The following ASCC1 variants were observed in gnomAD, a reference collection of about 807,000 sequenced individuals.
ASCC1 encodes the protein ASC-1 complex subunit P50.
Under a neutral mutation model 46.6 loss-of-function variants are expected in ASCC1, and 35 were observed. The ratio of observed to expected loss-of-function variants is 0.75; its 90% CI spans 0.57 to 0.99. The LOEUF (loss-of-function observed/expected upper bound fraction) is 0.99, where lower values mean the gene tolerates loss of function less well. Among genes scored for constraint, ASCC1 ranks in the 50% least tolerant of loss-of-function variants. The probability of loss-of-function intolerance (pLI) is 0.00; values close to 1 mark genes in which losing one functional copy is unlikely to be tolerated. For missense variants in ASCC1, 376 were observed against 428.7 expected, an observed-to-expected ratio of 0.88 and a Z score of 1.09; for synonymous variants, 143 against 146.6, an observed-to-expected ratio of 0.98 and a Z score of 0.18.
At position 72,142,131 on chromosome 10, in the gene ASCC1, C is replaced by A. The variant is rs141793051; in HGVS notation, c.747-8950G>T. On this transcript the variant is annotated intron_variant, in intron 7 of 9. Coordinates refer to ENST00000672957, the MANE Select transcript of ASCC1 (RefSeq NM_001198800.3). ...TTAAAATAGACATATTAGACAGTAT[C>A]TATTTTTATTTTTTGAAAGTTTCTT... Among the ~76,000 whole-genome samples, 136 of 152,188 alleles carry A rather than the reference C, an allele frequency of 8.9e-4. 2 individuals carry two copies. Among genetic ancestry groups the A allele is most frequent in the African/African-American group, 3.2e-3 (132 of 41,520 alleles).
intron 7 of ASCC1, among the ~76,000 whole-genome samples, chr10:72,135,355 G>C (rs1846059947): frequency 6.6e-6 from 1 of 152,148 alleles, no homozygotes; most frequent in Non-Finnish European, 1.5e-5. Flanking sequence ...TGTGAATGGG[G>C]GTGGGGGCAC....
Position 72,097,065 on chromosome 10 carries a change from T to G in ASCC1, c.*269A>C. On this transcript the variant is annotated 3_prime_UTR_variant, in exon 10 of 10. Transcript: ENST00000672957. ...AAAATGGTGAAGACAGTATGTTTTA[T>G]GAGTATTTTACGACAATTTAAAAAT... The G allele has an allele frequency of 2.0e-6, 1 of 496,542 alleles. No individual in the cohort carries two copies. The highest frequency in any genetic ancestry group is 3.9e-6 in the Non-Finnish European group (1 of 254,806). The allele number at this position is 496,542 out of a possible 1,614,324, so 30.8% of individuals were successfully genotyped here.
At chr10:72,107,673 T>C (rs1361624740) in intron 9 of ASCC1, among the ~76,000 whole-genome samples, 2 of 152,244 alleles carry the variant, frequency 1.3e-5, no homozygotes, top group Non-Finnish European at 2.9e-5. Flanking sequence ...AATTGATATT[T>C]CTTTTCTACT....
chr10:72,169,921 ACCAG>A (rs911523796), intron 5 of ASCC1, among the ~76,000 whole-genome samples: 3 of 152,210 alleles, frequency 2.0e-5, no homozygotes, highest in Non-Finnish European at 2.9e-5. Context: ...GGAGTTCGAG[ACCAG>A]CCTGGCCAAC....
chr10:72,216,975 C>T (rs1294768974), upstream of ASCC1: 7 of 455,800 alleles, frequency 1.5e-5, no homozygotes, highest in Admixed American at 9.4e-5. Flanking sequence ...TGATCCAATA[C>T]TCATGACACA....
intron 7 of ASCC1, among the ~76,000 whole-genome samples, chr10:72,147,416 C>T (rs1847773465): frequency 6.6e-6 from 1 of 152,038 alleles, no homozygotes; most frequent in Non-Finnish European, 1.5e-5. Flanking sequence ...CCACACCCAG[C>T]TAATTTTTAT....
chr10:72,205,785 G>A (rs1292979118), intron 3 of ASCC1, among the ~76,000 whole-genome samples: 1 of 151,992 alleles, frequency 6.6e-6, no homozygotes, highest in Non-Finnish European at 1.5e-5. Flanking sequence ...GACAGAGGGA[G>A]ACTCCGTCTC....
At chr10:72,151,246 C>T (rs1047627637) in intron 7 of ASCC1, among the ~76,000 whole-genome samples, 2 of 152,178 alleles carry the variant, frequency 1.3e-5, no homozygotes, top group Non-Finnish European at 2.9e-5. Flanking sequence ...CACATATACA[C>T]CATGGAATAC....
intron 3 of ASCC1, 53 bp from the exon 4 acceptor site, chr10:72,203,577 G>A: frequency 7.8e-7 from 1 of 1,275,154 alleles, no homozygotes; most frequent in Non-Finnish European, 1.1e-6. Flanking sequence ...CCAAAATAAA[G>A]AACCTCATTA....
chr10:72,174,402 G>C (rs1851613443), intron 5 of ASCC1, among the ~76,000 whole-genome samples: 1 of 152,132 alleles, frequency 6.6e-6, no homozygotes, highest in Non-Finnish European at 1.5e-5. Flanking sequence ...CAGCAGTATG[G>C]ATTGGTCCAT....
At chr10:72,169,514 C>T (rs1041853968) in intron 5 of ASCC1, among the ~76,000 whole-genome samples, 4 of 151,914 alleles carry the variant, frequency 2.6e-5, no homozygotes, top group African/African-American at 7.3e-5. Flanking sequence ...AGAAAACATA[C>T]ATTAATATAT....
chr10:72,097,194 G>A lies in ASCC1; in HGVS notation c.*140C>T, dbSNP rs1841185618. 1 of 747,434 alleles carries A rather than the reference G, an allele frequency of 1.3e-6. No individual in the cohort carries two copies. The highest frequency in any genetic ancestry group is 2.5e-6 in the Non-Finnish European group (1 of 402,670). The allele number at this position is 747,434 out of a possible 1,614,324, so 46.3% of individuals were successfully genotyped here. Reference sequence around the variant, plus strand: ...TATGACGGGTGTAGACACCATTAGAGGCAATGGTGAATCTATGGGGAACCA... The same window carrying A: ...TATGACGGGTGTAGACACCATTAGAAGCAATGGTGAATCTATGGGGAACCA... On this transcript the variant is annotated 3_prime_UTR_variant, in exon 10 of 10. Transcript: ENST00000672957.
intron 2 of ASCC1, 55 bp downstream of exon 2, chr10:72,213,132 C>T: frequency 7.9e-7 from 1 of 1,267,990 alleles, no homozygotes. Context: ...AAAATTGATC[C>T]TACAATACAC....
At chr10:72,112,878 C>CAAA (rs60754683) in intron 9 of ASCC1, among the ~76,000 whole-genome samples, 8 of 82,822 alleles carry the variant, frequency 9.7e-5, no homozygotes, top group Admixed American at 1.5e-4. Context: ...ACTCTGCCTC[C>CAAA]AAAAAAAAAA....
chr10:72,145,522 C>A (rs181480869), intron 7 of ASCC1, among the ~76,000 whole-genome samples: 2 of 150,320 alleles, frequency 1.3e-5, no homozygotes, highest in Non-Finnish European at 3.0e-5. Flanking sequence ...ATTCCTTAGA[C>A]AGGCTTTTAA....
At chr10:72,183,792 A>T (rs563473295) in intron 5 of ASCC1, among the ~76,000 whole-genome samples, 1 of 152,344 alleles carries the variant, frequency 6.6e-6, no homozygotes, top group South Asian at 2.1e-4. Context: ...AAGGTGAATT[A>T]AAAAATTTTT....
At chr10:72,180,765 G>A (rs1852479771) in intron 5 of ASCC1, 1 of 151,916 alleles carries the variant, frequency 6.6e-6, no homozygotes, top group Non-Finnish European at 1.5e-5. Flanking sequence ...CAGCCTGGGT[G>A]AGGGGATCAG....
chr10:72,214,865 C>T lies in ASCC1; in HGVS notation c.-34+1342G>A, dbSNP rs143842918. On this transcript the variant is annotated intron_variant, in intron 1 of 9. Transcript: ENST00000672957. ...CCAATATGGTTCTCAGACCAACATA[C>T]TGCTGAAGGGGGGAATCCAATTTCC... Among the ~76,000 whole-genome samples, 358 of 152,292 alleles carry T rather than the reference C, an allele frequency of 2.4e-3. 1 individual carries two copies. Among genetic ancestry groups the T allele is most frequent in the Non-Finnish European group, 3.8e-3 (261 of 68,028 alleles).
intron 9 of ASCC1, among the ~76,000 whole-genome samples, chr10:72,109,684 C>T (rs1589186271): frequency 1.3e-5 from 2 of 152,264 alleles, no homozygotes; most frequent in Middle Eastern, 3.4e-3. Context: ...GAATTAAAAC[C>T]GCTATATACA....
Sources: allele counts gnomAD v4.1 joint callset (sites outside exome capture counted in the v4.1 genomes callset), GRCh38; gene constraint gnomAD v4.1.1; transcripts MANE v1.5; gene names NCBI Gene and HGNC (gene_info 2026-07-23, HGNC 2026-07-21).